PVT1: variants seen among roughly 807,000 people sequenced by gnomAD.
The protein encoded by PVT1 is CXCR4/PVT1 fusion.
At chr8:127,935,970 G>A (rs1816267619) in intron 3 of PVT1, among the ~76,000 whole-genome samples, 1 of 150,308 alleles carries the variant, frequency 6.7e-6, no homozygotes, top group East Asian at 2.0e-4. Context: ...GAGGGTGGAA[G>A]TGGTTTGAAT....
chr8:127,940,542 A>G (rs1036419475), intron 3 of PVT1: 6 of 150,634 alleles, frequency 4.0e-5, no homozygotes, highest in African/African-American at 1.5e-4. Context: ...TAAAATATTA[A>G]CACAAATTTA....
At chr8:127,810,807 A>G (rs1814586119) in intron 2 of PVT1, among the ~76,000 whole-genome samples, 1 of 152,084 alleles carries the variant, frequency 6.6e-6, no homozygotes, top group Admixed American at 6.5e-5. Context: ...ATGAACTCCT[A>G]CCTATGCTTT....
chr8:127,968,460 C>T (rs553184098), intron 3 of PVT1, among the ~76,000 whole-genome samples: 253 of 152,184 alleles, frequency 1.7e-3, no homozygotes, highest in African/African-American at 5.6e-3. Flanking sequence ...GGATGCAGAA[C>T]GTAAGTGCTC....
At chr8:127,796,236 T>TTTTTG (rs547243981) in intron 2 of PVT1, among the ~76,000 whole-genome samples, 138 of 151,988 alleles carry the variant, frequency 9.1e-4, no homozygotes, top group African/African-American at 3.3e-3. Context: ...TAGAAGTCCG[T>TTTTTG]TTTTGTTTTG....
At chr8:128,034,705 A>G (rs190190790) in intron 4 of PVT1, among the ~76,000 whole-genome samples, 1 of 152,330 alleles carries the variant, frequency 6.6e-6, no homozygotes, top group Admixed American at 6.5e-5. Context: ...AAGCTGGAAC[A>G]CCTGGCTCTG....
chr8:127,954,137 T>G (rs1032411787), intron 3 of PVT1, among the ~76,000 whole-genome samples: 1 of 152,172 alleles, frequency 6.6e-6, no homozygotes, highest in African/African-American at 2.4e-5. Flanking sequence ...TCCGTTACTC[T>G]TAAGTTTCCT....
At position 128,083,133 on chromosome 8, in the gene PVT1, T is replaced by C. The variant is rs141596917; in HGVS notation, n.1114+12772T>C. Among the ~76,000 whole-genome samples the C allele has an allele frequency of 1.1e-3, 169 of 152,370 alleles. 2 individuals carry two copies. Among genetic ancestry groups the C allele is most frequent in the African/African-American group, 3.9e-3 (163 of 41,582 alleles). ...CTTTAGACAAGTCACTTAGCTTCTC[T>C]GTGACTCGCTTTTCTCATGTATAAA... On this transcript the variant is annotated intron_variant and non_coding_transcript_variant, in intron 5 of 10. Transcript: ENST00000651587.
chr8:128,095,604 T>A (rs1479200030), intron 5 of PVT1, among the ~76,000 whole-genome samples: 1 of 152,254 alleles, frequency 6.6e-6, no homozygotes, highest in Non-Finnish European at 1.5e-5. Context: ...TGTCTGTGAC[T>A]GCTTTCCTGC....
At chr8:128,072,771 C>T (rs772312199) in intron 5 of PVT1, among the ~76,000 whole-genome samples, 27 of 152,198 alleles carry the variant, frequency 1.8e-4, no homozygotes, top group African/African-American at 4.8e-4. Context: ...TTCTGTGGCA[C>T]GAGACATTCC....
intron 5 of PVT1, among the ~76,000 whole-genome samples, chr8:128,087,564 C>T (rs1470394694): frequency 6.6e-6 from 1 of 152,088 alleles, no homozygotes; most frequent in Admixed American, 6.6e-5. Flanking sequence ...CATTATTGGC[C>T]TTGAAAAGCT....
chr8:127,878,974 GCCAGT>G (rs1815434895), intron 2 of PVT1, among the ~76,000 whole-genome samples: 1 of 152,226 alleles, frequency 6.6e-6, no homozygotes, highest in Non-Finnish European at 1.5e-5. Context: ...CTGACAGGGA[GCCAGT>G]CTGGAGAAGG....
chr8:127,875,166 A>G (rs997568227), intron 2 of PVT1, among the ~76,000 whole-genome samples: 4 of 152,200 alleles, frequency 2.6e-5, no homozygotes, highest in African/African-American at 9.7e-5. Flanking sequence ...CACCTTAACC[A>G]GTGACTGTGG....
At chr8:127,884,403 G>C (rs995598820) in intron 2 of PVT1, among the ~76,000 whole-genome samples, 1 of 152,166 alleles carries the variant, frequency 6.6e-6, no homozygotes, top group Non-Finnish European at 1.5e-5. Flanking sequence ...CCAGTGTTTG[G>C]CTGTTATGAA....
intron 4 of PVT1, among the ~76,000 whole-genome samples, chr8:128,030,853 A>G (rs567487461): frequency 2.6e-5 from 4 of 152,290 alleles, no homozygotes; most frequent in South Asian, 2.1e-4. Flanking sequence ...GTCCAGGACC[A>G]TGTCAGATTG....
intron 2 of PVT1, among the ~76,000 whole-genome samples, chr8:127,803,931 G>C (rs1814498280): frequency 6.6e-6 from 1 of 152,086 alleles, no homozygotes; most frequent in Non-Finnish European, 1.5e-5. Context: ...ATGTTGGTCA[G>C]GCTGATCTCG....
At chr8:128,044,250 A>G (rs1312362247) in intron 4 of PVT1, among the ~76,000 whole-genome samples, 3 of 151,064 alleles carry the variant, frequency 2.0e-5, no homozygotes, top group Non-Finnish European at 4.4e-5. Flanking sequence ...ATTGATCACC[A>G]TAGCACCTAT....
At chr8:128,038,339 G>T (rs1183975334) in intron 4 of PVT1, among the ~76,000 whole-genome samples, 1 of 152,164 alleles carries the variant, frequency 6.6e-6, no homozygotes, top group Non-Finnish European at 1.5e-5. Context: ...TCATTATTCA[G>T]CATGTATTTA....
intron 3 of PVT1, among the ~76,000 whole-genome samples, chr8:127,969,033 C>T (rs906419080): frequency 1.3e-5 from 2 of 152,098 alleles, no homozygotes; most frequent in Non-Finnish European, 1.5e-5. Context: ...TTGTTTCAAG[C>T]CACCTATTTT....
intron 2 of PVT1, among the ~76,000 whole-genome samples, chr8:127,817,443 A>G (rs1420420747): frequency 1.1e-5 from 1 of 91,418 alleles, no homozygotes. Flanking sequence ...TTACAGACTC[A>G]ATTTAACCCT....
Sources: gnomAD v4.1 joint callset for allele counts (sites outside exome capture counted in the v4.1 genomes callset) on GRCh38, gnomAD v4.1.1 for gene constraint, MANE v1.5 for transcripts, NCBI Gene and HGNC (gene_info 2026-07-23, HGNC 2026-07-21) for gene names.